UNC5D: variants seen among roughly 807,000 people sequenced by gnomAD.
UNC5D encodes netrin receptor UNC5D.
A neutral mutation model predicts 105.4 loss-of-function variants in UNC5D; 39 were observed. That is an observed-to-expected ratio of 0.37 (90% CI 0.29 to 0.48). The LOEUF (loss-of-function observed/expected upper bound fraction) is 0.48, where lower values mean the gene tolerates loss of function less well. Among genes scored for constraint, UNC5D ranks in the 20% least tolerant of loss-of-function variants. The pLI is 0.98. For missense variants in UNC5D, 991 were observed against 1,202.4 expected, an observed-to-expected ratio of 0.82 and a Z score of 2.60; for synonymous variants, 452 against 450.4, an observed-to-expected ratio of 1.00 and a Z score of -0.04.
chr8:35,437,919 A>T (rs889480141), intron 1 of UNC5D, among the ~76,000 whole-genome samples: 1 of 151,612 alleles, frequency 6.6e-6, no homozygotes, highest in Non-Finnish European at 1.5e-5. Context: ...TTCTCTCATG[A>T]GAAGTCAGAA....
chr8:35,461,225 A>C (rs1808869105), intron 1 of UNC5D, among the ~76,000 whole-genome samples: 1 of 152,158 alleles, frequency 6.6e-6, no homozygotes, highest in Non-Finnish European at 1.5e-5. Context: ...TAGGGAACGG[A>C]CATTTGATGA....
chr8:35,475,277 T>A (rs745392534), intron 1 of UNC5D, among the ~76,000 whole-genome samples: 2 of 152,282 alleles, frequency 1.3e-5, no homozygotes, highest in Middle Eastern at 3.4e-3. Context: ...CAGGTCTGTG[T>A]CTGCTGAATA....
At chr8:35,381,109 T>G (rs1803019002) in intron 1 of UNC5D, among the ~76,000 whole-genome samples, 1 of 152,014 alleles carries the variant, frequency 6.6e-6, no homozygotes, top group African/African-American at 2.4e-5. Flanking sequence ...CAGGAAGAAT[T>G]ATTGATCTAG....
chr8:35,510,752 T>A (rs1258628774), intron 1 of UNC5D, among the ~76,000 whole-genome samples: 3 of 152,168 alleles, frequency 2.0e-5, no homozygotes, highest in Non-Finnish European at 4.4e-5. Flanking sequence ...CTTTCTACAT[T>A]TTTTTGTCCT....
intron 1 of UNC5D, among the ~76,000 whole-genome samples, chr8:35,446,879 C>T (rs183821196): frequency 0.017 from 2,574 of 152,144 alleles, 82 homozygotes; most frequent in African/African-American, 0.059. Flanking sequence ...TGAGGGAAGA[C>T]TGAAACTAAT....
chr8:35,273,160 A>AT (rs1311016513), intron 1 of UNC5D, among the ~76,000 whole-genome samples: 1 of 152,204 alleles, frequency 6.6e-6, no homozygotes, highest in East Asian at 1.9e-4. Flanking sequence ...GCATTCATTC[A>AT]TTTGGCTAAA....
At chr8:35,789,688 T>G (rs976250426) in intron 16 of UNC5D, among the ~76,000 whole-genome samples, 3 of 152,070 alleles carry the variant, frequency 2.0e-5, no homozygotes, top group Non-Finnish European at 4.4e-5. Flanking sequence ...AGATTTACAA[T>G]ACTATCTATG....
chr8:35,595,754 C>G, intron 4 of UNC5D, 97 bp downstream of exon 4: 6 of 1,059,294 alleles, frequency 5.7e-6, no homozygotes, highest in Non-Finnish European at 8.5e-6. Context: ...AGTAAAGGAG[C>G]CCATGTCTGG....
At chr8:35,715,008 G>A (rs916609518) in intron 8 of UNC5D, among the ~76,000 whole-genome samples, 7 of 152,258 alleles carry the variant, frequency 4.6e-5, no homozygotes, top group Middle Eastern at 3.4e-3. Context: ...AAAATTAGCC[G>A]AGTGTGGTGG....
intron 1 of UNC5D, among the ~76,000 whole-genome samples, chr8:35,306,441 A>T (rs558258901): frequency 6.6e-6 from 1 of 152,228 alleles, no homozygotes; most frequent in East Asian, 1.9e-4. Context: ...CAGTCCTAAC[A>T]TGTTAAAATT....
At chr8:35,755,844 G>C (rs1392568509) in intron 13 of UNC5D, among the ~76,000 whole-genome samples, 1 of 152,192 alleles carries the variant, frequency 6.6e-6, no homozygotes, top group Non-Finnish European at 1.5e-5. Flanking sequence ...ATAGAAGGCA[G>C]ACTGGAAAAA....
chr8:35,242,751 G>C (rs1802876858), intron 1 of UNC5D, among the ~76,000 whole-genome samples: 1 of 152,148 alleles, frequency 6.6e-6, no homozygotes, highest in Non-Finnish European at 1.5e-5. Context: ...AGGATTACAA[G>C]CATGAGCCAC....
At chr8:35,485,499 A>G (rs193046345) in intron 1 of UNC5D, among the ~76,000 whole-genome samples, 1 of 152,294 alleles carries the variant, frequency 6.6e-6, no homozygotes, top group Non-Finnish European at 1.5e-5. Flanking sequence ...TTATTCCATG[A>G]TATGGTGGTG....
chr8:35,463,792 GA>G (rs776755576), intron 1 of UNC5D, among the ~76,000 whole-genome samples: 1,937 of 114,254 alleles, frequency 0.017, 40 homozygotes, highest in African/African-American at 0.053. Context: ...ACCTGTCTCA[GA>G]AAAAAAAAAA....
intron 1 of UNC5D, among the ~76,000 whole-genome samples, chr8:35,297,950 C>A (rs1200759163): frequency 6.6e-6 from 1 of 152,100 alleles, no homozygotes; most frequent in African/African-American, 2.4e-5. Context: ...CAGGACCTGG[C>A]CTTTAGTCAG....
chr8:35,636,223 G>C (rs577810120), intron 4 of UNC5D, among the ~76,000 whole-genome samples: 1 of 152,128 alleles, frequency 6.6e-6, no homozygotes, highest in African/African-American at 2.4e-5. Context: ...AAACGGGGTC[G>C]AATGATGGGT....
rs556378896 is a variant in UNC5D at position 35,519,049 on chromosome 8, T to C, written c.104-30243T>C. On this transcript the variant is annotated intron_variant, in intron 1 of 16. Coordinates refer to ENST00000404895, the MANE Select transcript of UNC5D (RefSeq NM_080872.4). ...TGAAGAACAGCTACAAACTTGCTTC[T>C]ACTCTTAAAATAACTTCTTCTAATC... 8.5e-5 allele frequency among the ~76,000 whole-genome samples: 13 copies of C among 152,326 alleles called. 1 individual carries two copies. In the South Asian group the frequency reaches 2.5e-3, roughly 29 times the overall value.
At chr8:35,258,561 C>T (rs1026602523) in intron 1 of UNC5D, among the ~76,000 whole-genome samples, 25 of 152,204 alleles carry the variant, frequency 1.6e-4, no homozygotes, top group Non-Finnish European at 3.1e-4. Context: ...TAGTACCTAC[C>T]ACATCAGGGT....
chr8:35,391,839 T>C (rs1419848022), intron 1 of UNC5D, among the ~76,000 whole-genome samples: 1 of 152,172 alleles, frequency 6.6e-6, no homozygotes, highest in Admixed American at 6.5e-5. Flanking sequence ...TGGATGTGAA[T>C]ATTGGTGAGG....
Sources: allele counts gnomAD v4.1 joint callset (sites outside exome capture counted in the v4.1 genomes callset), GRCh38; gene constraint gnomAD v4.1.1; transcripts MANE v1.5; gene names NCBI Gene and HGNC (gene_info 2026-07-23, HGNC 2026-07-21).